Variants in CDC123 observed in about 807,000 individuals in gnomAD.
CDC123 encodes cell division cycle 123.
In CDC123, 37 loss-of-function variants were observed where a neutral mutation model predicts 54.4. The observed-to-expected ratio is 0.68, with a 90% CI of 0.52 to 0.89. The LOEUF is 0.89. CDC123 is among the 40% of genes least tolerant of loss of function. CDC123 has a pLI of 0.00. For synonymous variants in CDC123, 144 were observed against 136.8 expected (o/e 1.05, Z -0.37); for missense variants, 361 against 412.1 (o/e 0.88, Z 1.07).
At chr10:12,211,813 A>T (rs1700902198) in intron 4 of CDC123, among the ~76,000 whole-genome samples, 1 of 152,180 alleles carries the variant, frequency 6.6e-6, no homozygotes, top group South Asian at 2.1e-4. Flanking sequence ...CTCATTTTTA[A>T]ATATGTATAG....
At chr10:12,248,828 A>C (rs1490721310) in intron 11 of CDC123, among the ~76,000 whole-genome samples, 8 of 149,586 alleles carry the variant, frequency 5.3e-5, no homozygotes, top group Non-Finnish European at 1.2e-4. Flanking sequence ...TAGTTTTGGC[A>C]GCTGGGCATG....
intron 6 of CDC123, among the ~76,000 whole-genome samples, chr10:12,229,810 A>G (rs1441757202): frequency 4.6e-5 from 7 of 152,226 alleles, no homozygotes; most frequent in African/African-American, 1.4e-4. Flanking sequence ...CAGTATACTT[A>G]ATGGAGGGCT....
chr10:12,249,039 A>G (rs1379086743), intron 11 of CDC123, among the ~76,000 whole-genome samples: 1 of 151,364 alleles, frequency 6.6e-6, no homozygotes, highest in Non-Finnish European at 1.5e-5. Flanking sequence ...TGAACCTGGG[A>G]GGCAGAGGTT....
chr10:12,200,881 C>T (rs975164174), intron 2 of CDC123, among the ~76,000 whole-genome samples: 8 of 151,814 alleles, frequency 5.3e-5, no homozygotes, highest in African/African-American at 9.7e-5. Flanking sequence ...TGCAGTGAGC[C>T]GAGATCATGC....
chr10:12,204,062 C>T (rs1406450952), intron 2 of CDC123, among the ~76,000 whole-genome samples: 2 of 148,306 alleles, frequency 1.3e-5, no homozygotes, highest in African/African-American at 5.0e-5. Context: ...CTCTGCACTC[C>T]AGCCTGGGCA....
chr10:12,225,034 T>C (rs1413075491), intron 6 of CDC123, among the ~76,000 whole-genome samples: 1 of 152,150 alleles, frequency 6.6e-6, no homozygotes, highest in African/African-American at 2.4e-5. Context: ...TGGACAGGCA[T>C]ATCCTGGCGC....
chr10:12,196,197 G>A lies in CDC123; in HGVS notation c.-49G>A, dbSNP rs769642833. 1.1e-5 allele frequency: 18 copies of A among 1,613,104 alleles called. No homozygotes were observed. The East Asian group carries it at 1.6e-4, about 14-fold the overall frequency. ...TCCGGGGCCGGCGCCCAGAGTTCCGGGAGGGTGCAGGCAGGAGAGGGAAAG... is the reference window on the plus strand; with the variant it reads ...TCCGGGGCCGGCGCCCAGAGTTCCGAGAGGGTGCAGGCAGGAGAGGGAAAG... On this transcript the variant is annotated 5_prime_UTR_variant, in exon 1 of 13. Coordinates refer to ENST00000281141, the MANE Select transcript of CDC123 (RefSeq NM_006023.3).
At chr10:12,233,942 T>C (rs1345464374) in intron 7 of CDC123, among the ~76,000 whole-genome samples, 1 of 152,022 alleles carries the variant, frequency 6.6e-6, no homozygotes, top group Non-Finnish European at 1.5e-5. Flanking sequence ...AAGGGTAGAA[T>C]TGATCGACTA....
chr10:12,210,135 G>A lies in CDC123; in HGVS notation c.204+111G>A, dbSNP rs182136185. 2.7e-5 allele frequency: 39 copies of A among 1,445,726 alleles called. No homozygotes were observed. The Admixed American group carries it at 3.7e-4, about 14-fold the overall frequency. The allele number at this position is 1,445,726 out of a possible 1,614,324, so 89.6% of individuals were successfully genotyped here. On this transcript the variant is annotated intron_variant, in intron 3 of 12. Transcript: ENST00000281141. Reference sequence around the variant, plus strand: ...TACATCTGATAAAATGAGAAATTACGTGAGAATCTTACTTTGACATATATT... The same window carrying A: ...TACATCTGATAAAATGAGAAATTACATGAGAATCTTACTTTGACATATATT...
Position 12,235,062 on chromosome 10 carries a change from A to G in CDC123, c.504A>G (p.Lys168=). The G allele has an allele frequency of 1.2e-6, 2 of 1,613,826 alleles. No homozygotes were observed. The highest frequency in any genetic ancestry group is 1.7e-6 in the Non-Finnish European group (2 of 1,179,774). The change falls in exon 8 of 13, where the codon AAA becomes AAG. Residue 168 remains lysine (K), a synonymous_variant. Coordinates refer to ENST00000281141, the MANE Select transcript of CDC123 (RefSeq NM_006023.3). The part of the protein sequence containing the change: ...PCIEYELVLR[K]WCELIPGAEF... ...TTTGTTTACAGCTCGTTCTCCGAAA[A>G]TGGTGTGAATTGATTCCTGGGGCTG...
chr10:12,197,868 A>G (rs1054158058), intron 1 of CDC123, among the ~76,000 whole-genome samples: 1 of 152,152 alleles, frequency 6.6e-6, no homozygotes, highest in East Asian at 1.9e-4. Context: ...CAAAAAAACC[A>G]TTTGTAATGT....
At chr10:12,222,982 C>T (rs1430233688) in intron 6 of CDC123, among the ~76,000 whole-genome samples, 2 of 152,044 alleles carry the variant, frequency 1.3e-5, no homozygotes, top group East Asian at 3.9e-4. Context: ...AGCTCCGCCT[C>T]CCGGGTTCAC....
chr10:12,239,307 G>A (rs1256837941), intron 10 of CDC123, among the ~76,000 whole-genome samples: 1 of 152,200 alleles, frequency 6.6e-6, no homozygotes, highest in Non-Finnish European at 1.5e-5. Context: ...TGAACAGGTA[G>A]GTAAATGAGC....
chr10:12,235,480 C>G (rs1835967254), intron 8 of CDC123, among the ~76,000 whole-genome samples: 1 of 152,142 alleles, frequency 6.6e-6, no homozygotes. Flanking sequence ...CATAAAAAGC[C>G]AAGTTTTGGA....
intron 3 of CDC123, 97 bp downstream of exon 3, chr10:12,210,121 A>T: frequency 6.8e-7 from 1 of 1,477,202 alleles, no homozygotes; most frequent in South Asian, 1.2e-5. Flanking sequence ...ACATCTGATA[A>T]AATGAGAAAT....
chr10:12,210,202 T>C, intron 3 of CDC123, 88 bp from the exon 4 acceptor site: 1 of 1,525,908 alleles, frequency 6.6e-7, no homozygotes, highest in South Asian at 1.2e-5. Flanking sequence ...TCCTGTTTGA[T>C]TTATAATTTT....
chr10:12,216,979 GA>G (rs1197377378), intron 5 of CDC123, among the ~76,000 whole-genome samples: 1 of 152,256 alleles, frequency 6.6e-6, no homozygotes, highest in East Asian at 1.9e-4. Flanking sequence ...GGGAAGAGTG[GA>G]AATTGATCTC....
rs754964626 is a variant in CDC123 at position 12,209,996 on chromosome 10, A to G, written c.176A>G (p.Asp59Gly). The G allele has an allele frequency of 6.2e-7, 1 of 1,614,212 alleles. No individual in the cohort carries two copies. Among genetic ancestry groups the G allele is most frequent in the South Asian group, 1.1e-5 (1 of 91,092 alleles). ...RDDPPTHSQP[D>G]SDDEAEEIQW... ...GATCCACCAACACATTCTCAGCCAG[A>G]CAGTGATGATGAAGCAGAAGAAATA... The change falls in exon 3 of 13, where the codon GAC becomes GGC. Residue 59 changes from aspartate (D) to glycine (G), a missense_variant. Coordinates refer to ENST00000281141, the MANE Select transcript of CDC123 (RefSeq NM_006023.3).
intron 6 of CDC123, among the ~76,000 whole-genome samples, chr10:12,227,630 T>A (rs1024718117): frequency 3.3e-5 from 5 of 152,042 alleles, no homozygotes; most frequent in Admixed American, 1.3e-4. Context: ...CCCAAGTAGC[T>A]GAGCTTACAG....
Sources: allele counts gnomAD v4.1 joint callset (sites outside exome capture counted in the v4.1 genomes callset), GRCh38; gene constraint gnomAD v4.1.1; transcripts MANE v1.5; gene names NCBI Gene and HGNC (gene_info 2026-07-23, HGNC 2026-07-21).